The following ADAMTSL1 variants were observed in gnomAD, a reference collection of about 807,000 sequenced individuals.
ADAMTSL1 encodes ADAMTS like 1.
A neutral mutation model predicts 201.8 loss-of-function variants in ADAMTSL1; 126 were observed. The ratio of observed to expected loss-of-function variants is 0.62; its 90% CI spans 0.54 to 0.72. The LOEUF (loss-of-function observed/expected upper bound fraction) is 0.72, where lower values mean the gene tolerates loss of function less well. Ranked by LOEUF, ADAMTSL1 falls within the 30% of genes least tolerant of loss-of-function variation. The probability of loss-of-function intolerance (pLI) is 0.00; values close to 1 mark genes in which losing one functional copy is unlikely to be tolerated. For missense variants in ADAMTSL1, 2,679 were observed against 2,277.8 expected (o/e 1.18, Z -3.59); for synonymous variants, 1,121 against 903.4 (o/e 1.24, Z -4.32).
chr9:18,627,893 C>T (rs1051303077), intron 5 of ADAMTSL1, among the ~76,000 whole-genome samples: 1 of 152,104 alleles, frequency 6.6e-6, no homozygotes, highest in African/African-American at 2.4e-5. Context: ...CTTTGTTCAT[C>T]TTTTGCATAG....
intron 23 of ADAMTSL1, among the ~76,000 whole-genome samples, chr9:18,848,810 CCAT>C (rs1826296653): frequency 6.6e-6 from 1 of 152,202 alleles, no homozygotes; most frequent in Non-Finnish European, 1.5e-5. Context: ...CAGCCATAGA[CCAT>C]AAGTAAATGA....
At chr9:18,645,083 C>A (rs9407926) in intron 7 of ADAMTSL1, among the ~76,000 whole-genome samples, 135,066 of 152,068 alleles carry the variant, frequency 0.89, 60,117 homozygotes, top group East Asian at 0.99. Flanking sequence ...TGCCATTCTA[C>A]CTGGTGTGAG....
chr9:18,247,063 T>G (rs923362255), intron 2 of ADAMTSL1, among the ~76,000 whole-genome samples: 2 of 152,128 alleles, frequency 1.3e-5, no homozygotes, highest in African/African-American at 4.8e-5. Context: ...GTCAATAGAT[T>G]TTATTAGATT....
rs376466829 is a variant in ADAMTSL1 at position 18,503,421 on chromosome 9, G to GTGTGTATATATATATATATATATATA, written c.64-1407_64-1406insGTGTATATATATATATATATATATAT. 1.1e-3 allele frequency among the ~76,000 whole-genome samples: 131 copies of GTGTGTATATATATATATATATATATA among 115,246 alleles called. 1 individual carries two copies. The highest frequency in any genetic ancestry group is 7.8e-3 in the East Asian group (27 of 3,460). 75.6% of individuals were successfully genotyped at this position (115,246 alleles called of 152,430 possible). A position where few individuals can be genotyped will look rare whatever the true frequency, so the allele number is the denominator to read the frequency against. On this transcript the variant is annotated intron_variant, in intron 1 of 28. Coordinates refer to ENST00000380548, the MANE Select transcript of ADAMTSL1 (RefSeq NM_001040272.6). Reference sequence around the variant, plus strand: ...TTAAGGCTGAATAGTATTCCATTGTGTATATATATATATATATATACCACA... The same window carrying GTGTGTATATATATATATATATATATA: ...TTAAGGCTGAATAGTATTCCATTGTGTGTGTATATATATATATATATATATATATATATATATATATATATACCACA...
intron 2 of ADAMTSL1, among the ~76,000 whole-genome samples, chr9:18,408,571 G>A (rs558191978): frequency 2.0e-5 from 3 of 152,118 alleles, no homozygotes; most frequent in Non-Finnish European, 4.4e-5. Flanking sequence ...AAACAAGTGC[G>A]TTCCCTGCTC....
intron 3 of ADAMTSL1, among the ~76,000 whole-genome samples, chr9:18,547,382 G>C (rs1007112619): frequency 2.0e-5 from 3 of 151,906 alleles, no homozygotes; most frequent in African/African-American, 7.3e-5. Context: ...GGCATAGCCA[G>C]GTTCAAAAGC....
At chr9:18,596,802 C>A (rs1240998040) in intron 4 of ADAMTSL1, among the ~76,000 whole-genome samples, 3 of 152,082 alleles carry the variant, frequency 2.0e-5, no homozygotes, top group Admixed American at 2.0e-4. Flanking sequence ...GTACAGGATG[C>A]AATGGGAACA....
At chr9:18,834,666 A>G (rs943957863) in intron 23 of ADAMTSL1, among the ~76,000 whole-genome samples, 2 of 152,082 alleles carry the variant, frequency 1.3e-5, no homozygotes, top group Admixed American at 6.6e-5. Context: ...CTAGGTGAAC[A>G]CTGATCTGAT....
intron 7 of ADAMTSL1, among the ~76,000 whole-genome samples, chr9:18,647,195 C>G (rs1215471083): frequency 2.0e-5 from 3 of 152,166 alleles, no homozygotes; most frequent in Non-Finnish European, 4.4e-5. Context: ...GTAGTATCCT[C>G]TGATGGTAGT....
intron 19 of ADAMTSL1, among the ~76,000 whole-genome samples, chr9:18,788,368 G>T (rs1335904590): frequency 6.6e-6 from 1 of 151,780 alleles, no homozygotes; most frequent in African/African-American, 2.4e-5. Flanking sequence ...AAACCTTGAC[G>T]TTAATTACCC....
At chr9:18,590,806 T>C (rs1576898) in intron 4 of ADAMTSL1, among the ~76,000 whole-genome samples, 46,987 of 151,912 alleles carry the variant, frequency 0.31, 7,846 homozygotes, top group East Asian at 0.53. Flanking sequence ...TTTCCATGTA[T>C]TTGTATAGTT....
intron 4 of ADAMTSL1, among the ~76,000 whole-genome samples, chr9:18,599,997 A>T (rs940511023): frequency 2.3e-4 from 5 of 21,616 alleles, no homozygotes; most frequent in African/African-American, 5.2e-4. Flanking sequence ...CTAAAAATAC[A>T]AAAAAAAAAA....
chr9:18,632,798 T>C (rs934138269), intron 5 of ADAMTSL1, among the ~76,000 whole-genome samples: 3 of 152,196 alleles, frequency 2.0e-5, no homozygotes, highest in African/African-American at 7.2e-5. Flanking sequence ...TTCTGTGCCA[T>C]GTGCTGCCAA....
intron 2 of ADAMTSL1, among the ~76,000 whole-genome samples, chr9:18,178,823 G>T (rs1351201648): frequency 6.6e-6 from 1 of 152,198 alleles, no homozygotes; most frequent in Non-Finnish European, 1.5e-5. Context: ...GGTCCTGTCT[G>T]TTGGAAGGAA....
At chr9:18,409,180 T>A (rs1238269683) in intron 2 of ADAMTSL1, among the ~76,000 whole-genome samples, 2 of 151,700 alleles carry the variant, frequency 1.3e-5, no homozygotes, top group African/African-American at 4.8e-5. Flanking sequence ...GGTCAGGAGT[T>A]TGAGACCAGC....
chr9:18,305,027 G>A (rs1044678587), intron 2 of ADAMTSL1, among the ~76,000 whole-genome samples: 1 of 152,172 alleles, frequency 6.6e-6, no homozygotes, highest in Non-Finnish European at 1.5e-5. Context: ...CATTGGGCCT[G>A]GTTAGACAGT....
At chr9:18,364,923 C>A (rs771274981) in intron 2 of ADAMTSL1, among the ~76,000 whole-genome samples, 3 of 152,078 alleles carry the variant, frequency 2.0e-5, no homozygotes, top group East Asian at 3.9e-4. Context: ...CTAAACCATT[C>A]ATCAGAACTC....
chr9:18,140,035 C>T (rs1826331876), intron 1 of ADAMTSL1, among the ~76,000 whole-genome samples: 1 of 152,006 alleles, frequency 6.6e-6, no homozygotes, highest in South Asian at 2.1e-4. Context: ...AGAGAAATAC[C>T]TAAGTGGCAT....
chr9:18,651,941 G>T (rs1160077815), intron 7 of ADAMTSL1, among the ~76,000 whole-genome samples: 1 of 150,332 alleles, frequency 6.7e-6, no homozygotes, highest in Non-Finnish European at 1.5e-5. Context: ...TCATTTAGCA[G>T]ATGATTGATA....
Sources: gnomAD v4.1 joint callset for allele counts (sites outside exome capture counted in the v4.1 genomes callset) on GRCh38, gnomAD v4.1.1 for gene constraint, MANE v1.5 for transcripts, NCBI Gene and HGNC (gene_info 2026-07-23, HGNC 2026-07-21) for gene names.